The following RNF150 variants were observed in gnomAD, a reference collection of about 807,000 sequenced individuals.
The protein encoded by RNF150 is ring finger protein 150.
A neutral mutation model predicts 39.3 loss-of-function variants in RNF150; 24 were observed. That is an observed-to-expected ratio of 0.61 (90% CI 0.44 to 0.86). RNF150 has a LOEUF of 0.86. Ranked by LOEUF, RNF150 falls within the 40% of genes least tolerant of loss-of-function variation. The pLI is 0.00. For missense variants in RNF150, 502 were observed against 587.8 expected (o/e 0.85, Z 1.51); for synonymous variants, 255 against 227.3 (o/e 1.12, Z -1.10).
intron 5 of RNF150, among the ~76,000 whole-genome samples, chr4:140,921,591 A>G (rs1331452032): frequency 6.6e-6 from 1 of 152,224 alleles, no homozygotes; most frequent in Non-Finnish European, 1.5e-5. Flanking sequence ...CAATACAAAA[A>G]GAGGGAACCC....
At chr4:141,029,655 G>A (rs1258241510) in intron 1 of RNF150, among the ~76,000 whole-genome samples, 1 of 152,176 alleles carries the variant, frequency 6.6e-6, no homozygotes, top group Non-Finnish European at 1.5e-5. Flanking sequence ...TGCCTCAGCA[G>A]AGCAGCCAAA....
chr4:140,978,694 A>T, intron 1 of RNF150, among the ~76,000 whole-genome samples: 1 of 151,654 alleles, frequency 6.6e-6, no homozygotes, highest in East Asian at 1.9e-4. Flanking sequence ...TGATAACTGT[A>T]TGGGGAGTGA....
At chr4:141,003,924 A>G (rs981136354) in intron 1 of RNF150, among the ~76,000 whole-genome samples, 4 of 152,154 alleles carry the variant, frequency 2.6e-5, no homozygotes, top group African/African-American at 9.7e-5. Context: ...TGCGGTTAGG[A>G]GAAGCCCACC....
At chr4:141,173,961 A>C (rs891006183) in intron 1 of RNF150, among the ~76,000 whole-genome samples, 1 of 152,200 alleles carries the variant, frequency 6.6e-6, no homozygotes, top group African/African-American at 2.4e-5. Flanking sequence ...TTATAAATAC[A>C]GTTTATGTGG....
chr4:141,191,835 G>A (rs354929), intron 1 of RNF150, among the ~76,000 whole-genome samples: 142,601 of 152,132 alleles, frequency 0.94, 67,468 homozygotes, highest in Non-Finnish European at 1. Flanking sequence ...CATCTTATAG[G>A]TGTGTGCTCC....
chr4:141,060,622 T>C (rs1451112906), intron 1 of RNF150, among the ~76,000 whole-genome samples: 1 of 152,182 alleles, frequency 6.6e-6, no homozygotes, highest in African/African-American at 2.4e-5. Flanking sequence ...TAGCTTTACA[T>C]TTGTATTATC....
chr4:140,920,858 T>TA (rs1224645352), intron 5 of RNF150, among the ~76,000 whole-genome samples: 2 of 151,026 alleles, frequency 1.3e-5, no homozygotes, highest in Non-Finnish European at 1.5e-5. Context: ...TATGCAGCCG[T>TA]AAAAAATGAT....
At chr4:141,089,448 AG>A (rs1420681784) in intron 1 of RNF150, among the ~76,000 whole-genome samples, 14 of 152,204 alleles carry the variant, frequency 9.2e-5, no homozygotes, top group Admixed American at 2.6e-4. Context: ...GAAAGACGGT[AG>A]GAACAGCTCT....
intron 1 of RNF150, among the ~76,000 whole-genome samples, chr4:141,017,010 G>A (rs1456597489): frequency 1.3e-5 from 2 of 152,002 alleles, no homozygotes; most frequent in South Asian, 2.1e-4. Flanking sequence ...TCATTTAGTC[G>A]ATCCCTTTAC....
At position 141,012,781 on chromosome 4, in the gene RNF150, CAAAAA is replaced by C. The variant is rs397995597; in HGVS notation, c.485-44913_485-44909del. On this transcript the variant is annotated intron_variant, in intron 1 of 6. Coordinates refer to ENST00000515673, the MANE Select transcript of RNF150 (RefSeq NM_020724.2). ...CTGGTGACAGAGTAAGACTCTGTCT[CAAAAA>C]AAAAAAAAAAAAAAAAGGCATCCCC... Among the ~76,000 whole-genome samples, 447 of 71,430 alleles carry C rather than the reference CAAAAA, an allele frequency of 6.3e-3. 10 individuals are homozygous for C. Among genetic ancestry groups the C allele is most frequent in the African/African-American group, 0.021 (396 of 19,128 alleles). The allele number at this position is 71,430 out of a possible 152,430, so 46.9% of individuals were successfully genotyped here. A position where few individuals can be genotyped will look rare whatever the true frequency, so the allele number is the denominator to read the frequency against.
intron 1 of RNF150, among the ~76,000 whole-genome samples, chr4:141,080,091 G>A (rs1230467664): frequency 6.6e-6 from 1 of 152,134 alleles, no homozygotes; most frequent in Non-Finnish European, 1.5e-5. Context: ...GACATACTTA[G>A]TATTTGAACA....
intron 1 of RNF150, among the ~76,000 whole-genome samples, chr4:141,075,693 A>G (rs1737868872): frequency 6.6e-6 from 1 of 152,206 alleles, no homozygotes; most frequent in Admixed American, 6.5e-5. Context: ...AATTTTTTCC[A>G]TTTAGTTTCT....
intron 1 of RNF150, among the ~76,000 whole-genome samples, chr4:141,108,096 T>A (rs1280074585): frequency 6.6e-6 from 1 of 152,152 alleles, no homozygotes; most frequent in Non-Finnish European, 1.5e-5. Context: ...CTTTAGCATA[T>A]CATTCAGGGA....
At chr4:141,046,734 T>C (rs1019408138) in intron 1 of RNF150, among the ~76,000 whole-genome samples, 1 of 152,148 alleles carries the variant, frequency 6.6e-6, no homozygotes, top group South Asian at 2.1e-4. Context: ...ATTCCATTGA[T>C]TAGGGAATTA....
chr4:140,890,963 A>G (rs1278645270), intron 6 of RNF150, among the ~76,000 whole-genome samples: 2 of 152,214 alleles, frequency 1.3e-5, no homozygotes, highest in Non-Finnish European at 2.9e-5. Flanking sequence ...GTGTCAAATT[A>G]ATAAGAGAAA....
At chr4:140,872,529 GGCAGAA>G (rs746001789) in intron 6 of RNF150, among the ~76,000 whole-genome samples, 107 of 149,556 alleles carry the variant, frequency 7.2e-4, no homozygotes, top group Non-Finnish European at 1.4e-3. Flanking sequence ...CAGGACAATG[GGCAGAA>G]GGAATCCAGT....
At chr4:140,998,100 C>G (rs1863304) in intron 1 of RNF150, among the ~76,000 whole-genome samples, 346 of 152,286 alleles carry the variant, frequency 2.3e-3, no homozygotes, top group African/African-American at 7.9e-3. Flanking sequence ...TATCCTTTAA[C>G]TGAAATTGCT....
At chr4:141,064,131 A>T (rs1737359916) in intron 1 of RNF150, among the ~76,000 whole-genome samples, 1 of 152,200 alleles carries the variant, frequency 6.6e-6, no homozygotes. Flanking sequence ...AATAATTATA[A>T]AACATATATT....
intron 1 of RNF150, among the ~76,000 whole-genome samples, chr4:141,000,793 G>A (rs1734635089): frequency 6.6e-6 from 1 of 152,138 alleles, no homozygotes; most frequent in Non-Finnish European, 1.5e-5. Context: ...TGGGAGGGAG[G>A]CCACGTAAAT....
Sources: gnomAD v4.1 joint callset for allele counts (sites outside exome capture counted in the v4.1 genomes callset) on GRCh38, gnomAD v4.1.1 for gene constraint, MANE v1.5 for transcripts, NCBI Gene and HGNC (gene_info 2026-07-23, HGNC 2026-07-21) for gene names.